FHIT: variants seen among roughly 807,000 people sequenced by gnomAD.
FHIT encodes the protein bis(5'-adenosyl)-triphosphatase.
A neutral mutation model predicts 17.9 loss-of-function variants in FHIT; 19 were observed. The ratio of observed to expected loss-of-function variants is 1.06; its 90% confidence interval spans 0.74 to 1.56. FHIT has a LOEUF of 1.56. Ranked by LOEUF, FHIT falls within the 40% of genes most tolerant of loss-of-function variation. FHIT has a pLI of 0.00. For synonymous variants in FHIT, 81 were observed against 69.7 expected (o/e 1.16, Z -0.81); for missense variants, 248 against 189.2 (o/e 1.31, Z -1.82).
chr3:60,721,328 G>A (rs1466299401), intron 4 of FHIT, among the ~76,000 whole-genome samples: 2 of 152,098 alleles, frequency 1.3e-5, no homozygotes, highest in African/African-American at 4.8e-5. Flanking sequence ...TATTTGTACT[G>A]TATGTCTCAC....
chr3:60,166,304 G>C (rs371616339), intron 5 of FHIT, among the ~76,000 whole-genome samples: 1 of 152,064 alleles, frequency 6.6e-6, no homozygotes, highest in Non-Finnish European at 1.5e-5. Flanking sequence ...GCATCCAAAG[G>C]GTTCAGAATT....
chr3:60,007,977 T>C (rs561995765), intron 7 of FHIT, among the ~76,000 whole-genome samples: 11 of 152,302 alleles, frequency 7.2e-5, no homozygotes, highest in African/African-American at 2.6e-4. Flanking sequence ...CACCTTAAAA[T>C]ACTCAGTATG....
At chr3:59,852,252 G>A (rs550391591) in intron 8 of FHIT, among the ~76,000 whole-genome samples, 1 of 152,146 alleles carries the variant, frequency 6.6e-6, no homozygotes, top group African/African-American at 2.4e-5. Flanking sequence ...GCAAGAGAAC[G>A]AATTACCAAA....
intron 5 of FHIT, among the ~76,000 whole-genome samples, chr3:60,024,788 G>C (rs1020896316): frequency 7.2e-5 from 11 of 152,264 alleles, no homozygotes; most frequent in Non-Finnish European, 1.5e-4. Context: ...CTTCAGGAAA[G>C]AGTGCAGGCC....
chr3:61,181,589 G>T lies in FHIT; in HGVS notation c.-164+19028C>A, dbSNP rs2038344483. Among the ~76,000 whole-genome samples, 4 of 152,240 alleles carry T rather than the reference G, an allele frequency of 2.6e-5. No individual in the cohort carries two copies. In the South Asian group the frequency reaches 8.3e-4, roughly 32 times the overall value. On this transcript the variant is annotated intron_variant, in intron 2 of 9. Transcript: ENST00000492590. ...AGTTTCATTTAATTCCAGCATCACA[G>T]GCTGCTCTGATATTCCCTGGGTTCC... is the stretch of plus-strand genomic sequence containing the variant.
chr3:59,912,359 T>C (rs888042779), intron 8 of FHIT, among the ~76,000 whole-genome samples: 2 of 152,214 alleles, frequency 1.3e-5, no homozygotes, highest in African/African-American at 4.8e-5. Flanking sequence ...GGAAAACAAG[T>C]GCAGTTGTTT....
At chr3:61,200,792 A>G (rs1298036225) in intron 1 of FHIT, 127 bp from the exon 2 acceptor site, 19 of 152,444 alleles carry the variant, frequency 1.2e-4, no homozygotes, top group Admixed American at 1.2e-3. Context: ...AACCATTGAT[A>G]AAACTTGTGC....
chr3:60,358,811 T>C (rs1238158036), intron 5 of FHIT, among the ~76,000 whole-genome samples: 3 of 152,344 alleles, frequency 2.0e-5, no homozygotes, highest in Non-Finnish European at 2.9e-5. Flanking sequence ...TTGTAGGTCT[T>C]TGGGGAAATT....
chr3:60,009,751 A>C (rs1024992651), intron 7 of FHIT, among the ~76,000 whole-genome samples: 1 of 152,180 alleles, frequency 6.6e-6, no homozygotes, highest in East Asian at 1.9e-4. Context: ...CAACGTTTTC[A>C]TTACCCTAAA....
intron 2 of FHIT, among the ~76,000 whole-genome samples, chr3:61,108,016 G>A (rs1454065454): frequency 6.6e-6 from 1 of 152,168 alleles, no homozygotes; most frequent in Non-Finnish European, 1.5e-5. Flanking sequence ...CTTAAAATAT[G>A]TAAGGAGGCA....
intron 8 of FHIT, among the ~76,000 whole-genome samples, chr3:59,835,581 C>T (rs971568450): frequency 6.6e-6 from 1 of 152,212 alleles, no homozygotes; most frequent in Middle Eastern, 3.4e-3. Context: ...ACATGAAAGA[C>T]TGGGTCCTGA....
At chr3:59,914,507 A>G (rs1705037960) in intron 8 of FHIT, among the ~76,000 whole-genome samples, 1 of 152,198 alleles carries the variant, frequency 6.6e-6, no homozygotes, top group Non-Finnish European at 1.5e-5. Flanking sequence ...ATTTATTTAT[A>G]CAGGTTGTTT....
chr3:59,979,227 T>A (rs1009391739), intron 7 of FHIT, among the ~76,000 whole-genome samples: 1 of 152,122 alleles, frequency 6.6e-6, no homozygotes, highest in African/African-American at 2.4e-5. Context: ...CCAACCTTGG[T>A]CTTGTGGTCC....
chr3:59,784,020 T>C (rs1043445378), intron 8 of FHIT, among the ~76,000 whole-genome samples: 3 of 152,156 alleles, frequency 2.0e-5, no homozygotes, highest in African/African-American at 7.2e-5. Context: ...AAAGATGATA[T>C]TGACTATTTG....
chr3:61,171,295 G>A (rs1204155501), intron 2 of FHIT, among the ~76,000 whole-genome samples: 1 of 151,944 alleles, frequency 6.6e-6, no homozygotes, highest in African/African-American at 2.4e-5. Context: ...CTTTTTTATG[G>A]GGTTCATTTT....
intron 5 of FHIT, among the ~76,000 whole-genome samples, chr3:60,243,665 G>C (rs994158502): frequency 2.0e-5 from 3 of 152,054 alleles, no homozygotes; most frequent in Non-Finnish European, 4.4e-5. Flanking sequence ...TCTTGAACAG[G>C]GTAACACCTA....
intron 5 of FHIT, among the ~76,000 whole-genome samples, chr3:60,212,862 G>T (rs933310946): frequency 2.0e-5 from 3 of 152,172 alleles, no homozygotes; most frequent in African/African-American, 7.2e-5. Flanking sequence ...GATTTTCTAA[G>T]AAACCAGCAA....
intron 2 of FHIT, among the ~76,000 whole-genome samples, chr3:61,060,821 G>A (rs138854880): frequency 1.3e-5 from 2 of 152,310 alleles, no homozygotes; most frequent in East Asian, 3.9e-4. Flanking sequence ...TTACAGCCTG[G>A]CTGGCTTTTC....
chr3:60,020,369 C>T (rs1235050428), intron 5 of FHIT, among the ~76,000 whole-genome samples: 7 of 152,100 alleles, frequency 4.6e-5, no homozygotes, highest in East Asian at 3.8e-4. Context: ...ATATTATGAT[C>T]GGAGTTGCTC....
Sources: gnomAD v4.1 joint callset for allele counts (sites outside exome capture counted in the v4.1 genomes callset) on GRCh38, gnomAD v4.1.1 for gene constraint, MANE v1.5 for transcripts, NCBI Gene and HGNC (gene_info 2026-07-23, HGNC 2026-07-21) for gene names.